RREB1: variants seen among roughly 807,000 people sequenced by gnomAD.
RREB1 encodes ras responsive element binding protein 1, also known as ras-responsive element-binding protein 1.
RREB1 carries 27 observed loss-of-function variants against 117.8 expected under a neutral mutation model. The observed-to-expected ratio is 0.23, with a 90% CI of 0.17 to 0.32. The LOEUF (loss-of-function observed/expected upper bound fraction) is 0.32. Ranked by LOEUF, RREB1 falls within the 10% of genes least tolerant of loss-of-function variation. The probability of loss-of-function intolerance (pLI) is 1.00; values close to 1 mark genes in which losing one functional copy is unlikely to be tolerated. For missense variants in RREB1, 2,577 were observed against 2,378.2 expected (o/e 1.08, Z -1.74); for synonymous variants, 1,298 against 1,026.7 (o/e 1.26, Z -5.05).
intron 1 of RREB1, among the ~76,000 whole-genome samples, chr6:7,119,669 A>C (rs1311472834): frequency 6.6e-6 from 1 of 152,226 alleles, no homozygotes. Context: ...GGTGCGGTAG[A>C]TAAGGGCTAG....
chr6:7,194,271 C>G (rs552131559), intron 6 of RREB1, among the ~76,000 whole-genome samples: 9 of 152,040 alleles, frequency 5.9e-5, no homozygotes, highest in Non-Finnish European at 1.2e-4. Flanking sequence ...AGGCATTGGC[C>G]GGGTACAGTG....
At chr6:7,120,980 C>T (rs940920634) in intron 1 of RREB1, among the ~76,000 whole-genome samples, 8 of 151,902 alleles carry the variant, frequency 5.3e-5, no homozygotes, top group African/African-American at 1.5e-4. Flanking sequence ...CCTGCCACTA[C>T]GCCTGGCTAA....
chr6:7,124,506 A>G (rs1761823984), intron 1 of RREB1, among the ~76,000 whole-genome samples: 2 of 152,166 alleles, frequency 1.3e-5, no homozygotes, highest in African/African-American at 4.8e-5. Context: ...ACAGAAATCC[A>G]GTCCTAAACA....
chr6:7,218,359 C>T (rs1369178787), intron 8 of RREB1: 1 of 152,134 alleles, frequency 6.6e-6, no homozygotes. Context: ...TCTGTTAAGG[C>T]CTGTTTGTTG....
At chr6:7,192,463 G>T (rs1181839280) in intron 6 of RREB1, among the ~76,000 whole-genome samples, 1 of 152,064 alleles carries the variant, frequency 6.6e-6, no homozygotes, top group Admixed American at 6.6e-5. Context: ...AAAGTGCTGG[G>T]ATTACAGGTG....
At position 7,152,302 on chromosome 6, in the gene RREB1, A is replaced by G. The variant is rs561231519; in HGVS notation, c.-284-24353A>G. On this transcript the variant is annotated intron_variant, in intron 1 of 12. Transcript: ENST00000379938. ...ACATGATGACTTTCTTGGTCTCTCT[A>G]ATTTCTTATAAGTGGTGTATTACAT... 3.9e-5 allele frequency among the ~76,000 whole-genome samples: 6 copies of G among 152,290 alleles called. No individual in the cohort carries two copies. The South Asian group carries it at 1.2e-3, about 32-fold the overall frequency.
intron 1 of RREB1, among the ~76,000 whole-genome samples, chr6:7,157,237 A>G (rs187986225): frequency 1.3e-3 from 204 of 152,234 alleles, no homozygotes; most frequent in African/African-American, 4.6e-3. Context: ...GTTGGAGACC[A>G]GCCTAGGCAA....
At chr6:7,180,850 G>A (rs911549329) in intron 2 of RREB1, among the ~76,000 whole-genome samples, 1 of 152,164 alleles carries the variant, frequency 6.6e-6, no homozygotes, top group African/African-American at 2.4e-5. Context: ...TGATGCATGG[G>A]TATAAATATG....
intron 1 of RREB1, among the ~76,000 whole-genome samples, chr6:7,167,620 C>G (rs941743443): frequency 6.6e-6 from 1 of 152,102 alleles, no homozygotes; most frequent in South Asian, 2.1e-4. Context: ...CGTGAGCCAC[C>G]GCTCCCGGCC....
At chr6:7,167,909 G>GAGAA (rs1764028026) in intron 1 of RREB1, among the ~76,000 whole-genome samples, 1 of 152,140 alleles carries the variant, frequency 6.6e-6, no homozygotes. Context: ...GAGAACTGAG[G>GAGAA]CTCAGAGTTC....
chr6:7,216,323 A>G (rs958593679), intron 8 of RREB1: 1 of 152,226 alleles, frequency 6.6e-6, no homozygotes, highest in African/African-American at 2.4e-5. Flanking sequence ...GGGATTTTAC[A>G]TCAGAGGCTG....
chr6:7,224,676 C>T (rs1488517332), intron 8 of RREB1, among the ~76,000 whole-genome samples: 1 of 152,172 alleles, frequency 6.6e-6, no homozygotes, highest in African/African-American at 2.4e-5. Flanking sequence ...TTCTGCTTCC[C>T]CGCAGGATCT....
chr6:7,134,409 C>T (rs1762269104), intron 1 of RREB1, among the ~76,000 whole-genome samples: 2 of 152,142 alleles, frequency 1.3e-5, no homozygotes, highest in South Asian at 4.1e-4. Flanking sequence ...GTGATGTGTC[C>T]TTTATCTGTG....
At chr6:7,215,255 G>T (rs1766835626) in intron 8 of RREB1, 1 of 152,288 alleles carries the variant, frequency 6.6e-6, no homozygotes, top group Non-Finnish European at 1.5e-5. Context: ...AATGAAGTCA[G>T]CTGGGAGAAG....
chr6:7,198,650 G>A (rs1359998027), intron 6 of RREB1, among the ~76,000 whole-genome samples: 1 of 152,170 alleles, frequency 6.6e-6, no homozygotes, highest in Admixed American at 6.5e-5. Flanking sequence ...ATTTGGTACT[G>A]TAGTTTCATT....
intron 1 of RREB1, among the ~76,000 whole-genome samples, chr6:7,126,235 C>CAG (rs1761913432): frequency 6.6e-6 from 1 of 151,744 alleles, no homozygotes; most frequent in African/African-American, 2.4e-5. Flanking sequence ...CTGCTGACCT[C>CAG]GTGATCCGCC....
At chr6:7,243,701 A>G (rs1168761455) in intron 11 of RREB1, among the ~76,000 whole-genome samples, 4 of 152,198 alleles carry the variant, frequency 2.6e-5, no homozygotes. Flanking sequence ...CCCTGTGTCC[A>G]AAGAGGGAGT....
chr6:7,165,984 G>A (rs1273801688), intron 1 of RREB1, among the ~76,000 whole-genome samples: 1 of 152,198 alleles, frequency 6.6e-6, no homozygotes, highest in African/African-American at 2.4e-5. Flanking sequence ...TCAATCCAAA[G>A]CAAGTGAACA....
At chr6:7,205,980 C>T (rs989905012) in intron 6 of RREB1, among the ~76,000 whole-genome samples, 3 of 152,146 alleles carry the variant, frequency 2.0e-5, no homozygotes, top group African/African-American at 7.2e-5. Context: ...TATTTGTGTT[C>T]GTTCATCACT....
Sources: allele counts gnomAD v4.1 joint callset (sites outside exome capture counted in the v4.1 genomes callset), GRCh38; gene constraint gnomAD v4.1.1; transcripts MANE v1.5; gene names NCBI Gene and HGNC (gene_info 2026-07-23, HGNC 2026-07-21).